The following LACTB2 variants were observed in gnomAD, a reference collection of about 807,000 sequenced individuals.
LACTB2 encodes the protein lactamase beta 2.
Under a neutral mutation model 34.8 loss-of-function variants are expected in LACTB2, and 32 were observed. The ratio of observed to expected loss-of-function variants is 0.92; its 90% CI spans 0.69 to 1.24. The LOEUF (loss-of-function observed/expected upper bound fraction) is 1.24. Ranked by LOEUF, LACTB2 falls within the 50% of genes most tolerant of loss-of-function variation. LACTB2 has a pLI of 0.00. For missense variants in LACTB2, 320 were observed against 345.0 expected (o/e 0.93, Z 0.57); for synonymous variants, 120 against 117.5 (o/e 1.02, Z -0.14).
At chr8:70,656,903 G>A (rs6994814) in intron 3 of LACTB2, among the ~76,000 whole-genome samples, 48,473 of 152,006 alleles carry the variant, frequency 0.32, 9,106 homozygotes, top group Non-Finnish European at 0.43. Flanking sequence ...AGGGGAGGGG[G>A]ATGGTAAAGG....
intron 2 of LACTB2, chr8:70,661,423 G>A (rs552442511): frequency 7.1e-6 from 2 of 282,466 alleles, no homozygotes; most frequent in South Asian, 8.1e-5. Flanking sequence ...CTACCTCACA[G>A]TATCCACATA....
chr8:70,657,428 A>ATTTT (rs777806428), intron 3 of LACTB2, among the ~76,000 whole-genome samples: 1 of 115,814 alleles, frequency 8.6e-6, no homozygotes, highest in Admixed American at 8.9e-5. Flanking sequence ...CAGATCTTCT[A>ATTTT]TTTTTTTTTT....
intron 2 of LACTB2, among the ~76,000 whole-genome samples, chr8:70,658,906 C>T (rs1458275925): frequency 3.3e-5 from 5 of 152,046 alleles, no homozygotes; most frequent in Non-Finnish European, 5.9e-5. Context: ...GTGCACCTAA[C>T]GTCCCAGATA....
In LACTB2 at chr8:70,640,987, A is replaced by C; in HGVS notation, c.656T>G (p.Ile219Ser). 1 of 1,609,804 alleles carries C rather than the reference A, an allele frequency of 6.2e-7. No homozygotes were observed. The highest frequency in any genetic ancestry group is 1.7e-5 in the Admixed American group (1 of 59,012). Residue 219 changes from isoleucine (I) to serine (S), a missense_variant, in exon 5 of 7, where the codon ATT (isoleucine) becomes AGT (serine). Ile to Ser is a moderately radical substitution (Grantham distance 142, BLOSUM62 -2). Coordinates refer to ENST00000276590, the MANE Select transcript of LACTB2 (RefSeq NM_016027.3). ...TAATGTAAGAATTTGCTGCTCTCGA[A>C]TATTTCTGTGAGAAATGTATTGTTG... The part of the protein sequence containing the change: ...KIQQYISHRN[I>S]REQQILTLFR...
chr8:70,638,689 A>G (rs1472620841), intron 5 of LACTB2, 60 bp from the exon 6 acceptor site: 155 of 1,280,070 alleles, frequency 1.2e-4, no homozygotes, highest in Non-Finnish European at 1.6e-4. Flanking sequence ...AACACAGTTA[A>G]TTTTTTGAAA....
At position 70,657,783 on chromosome 8, in the gene LACTB2, A is replaced by G. The variant is rs1453236841; in HGVS notation, c.386T>C (p.Val129Ala). Residue 129 changes from valine (V) to alanine (A), a missense_variant, in exon 3 of 7, where the codon GTG becomes GCG. Coordinates refer to ENST00000276590, the MANE Select transcript of LACTB2 (RefSeq NM_016027.3). ...QQYVYLKDGD[V>A]IKTEGATLRV... is the part of the protein sequence containing the mutation. ...TAGAGTGGCTCCCTCAGTCTTAATC[A>G]CATCTCCATCTTTCAGATAAACATA... The G allele has an allele frequency of 6.2e-7, 1 of 1,612,932 alleles. No homozygotes were observed. Among genetic ancestry groups the G allele is most frequent in the African/African-American group, 1.3e-5 (1 of 74,958 alleles).
In LACTB2 at chr8:70,644,093, C is replaced by T; in HGVS notation, c.564G>A (p.Leu188=). 1 of 1,584,424 alleles carries T rather than the reference C, an allele frequency of 6.3e-7. No homozygotes were observed. The highest frequency in any genetic ancestry group is 8.6e-7 in the Non-Finnish European group (1 of 1,168,466). The change falls in exon 4 of 7, where the codon TTG becomes TTA. Residue 188 remains leucine, a synonymous_variant. Transcript: ENST00000276590. ...YDYMNSLKEL[L]KIKADIIYPG... ...GATATATAATATCAGCTTTGATTTT[C>T]AATAACTCTTTTAAAGAGTTCATAT...
intron 1 of LACTB2, among the ~76,000 whole-genome samples, chr8:70,667,388 C>A (rs1329535903): frequency 6.6e-6 from 1 of 152,224 alleles, no homozygotes; most frequent in African/African-American, 2.4e-5. Flanking sequence ...TTCTAGCCAC[C>A]TTTTACTTTA....
chr8:70,659,005 C>G (rs531264733), intron 2 of LACTB2, among the ~76,000 whole-genome samples: 2 of 151,526 alleles, frequency 1.3e-5, no homozygotes, highest in African/African-American at 4.8e-5. Context: ...CCAGGCCGAG[C>G]GACAGTGCGA....
intron 3 of LACTB2, among the ~76,000 whole-genome samples, chr8:70,656,878 T>A (rs1818418054): frequency 6.6e-6 from 1 of 152,030 alleles, no homozygotes. Context: ...ACTAACCTGA[T>A]TAGTGTGGTG....
intron 3 of LACTB2, 37 bp from the exon 4 acceptor site, chr8:70,644,280 T>C (rs756377376): frequency 7.1e-7 from 1 of 1,402,910 alleles, no homozygotes; most frequent in Non-Finnish European, 9.5e-7. Flanking sequence ...ATAACAATTA[T>C]GAACTCGAGC....
chr8:70,664,588 A>G (rs1299090170), intron 1 of LACTB2, among the ~76,000 whole-genome samples: 3 of 152,148 alleles, frequency 2.0e-5, no homozygotes, highest in Non-Finnish European at 4.4e-5. Flanking sequence ...AAAGAAAGAA[A>G]ACAGAAAAAA....
rs185788805 is a variant in LACTB2, at chr8:70,665,999, T to C, written c.122+3000A>G. Among the ~76,000 whole-genome samples the C allele has an allele frequency of 2.0e-4, 31 of 152,302 alleles. No individual in the cohort carries two copies. The East Asian group carries it at 5.4e-3, about 27-fold the overall frequency. ...ATCACAGTTAGGTCTAGCAGTGTTT[T>C]AGTGAAATTCATTTGGCTTCCATGG... On this transcript the variant is annotated intron_variant, in intron 1 of 6. Coordinates refer to ENST00000276590, the MANE Select transcript of LACTB2 (RefSeq NM_016027.3).
intron 3 of LACTB2, among the ~76,000 whole-genome samples, chr8:70,651,610 G>A (rs1290738873): frequency 6.6e-6 from 1 of 151,808 alleles, no homozygotes; most frequent in Non-Finnish European, 1.5e-5. Context: ...TTCATTATCA[G>A]CCCTCCCTGA....
At chr8:70,662,239 A>G (rs548659910) in intron 1 of LACTB2, 2 of 167,658 alleles carry the variant, frequency 1.2e-5, no homozygotes, top group South Asian at 3.4e-4. Context: ...TTTTATCATT[A>G]TATTTAGAAG....
chr8:70,652,396 C>G (rs1027399890), intron 3 of LACTB2: 2 of 152,128 alleles, frequency 1.3e-5, no homozygotes, highest in African/African-American at 4.8e-5. Flanking sequence ...CCACATTCAT[C>G]AGGAAATTAA....
chr8:70,661,767 C>G lies in LACTB2; in HGVS notation c.253G>C (p.Gly85Arg). ...VTHWHRDHSG[G>R]IGDICKSINN... ...ATGCTTTTACAAATATCTCCTATGC[C>G]TCCAGAATGATCTCGGTGCCAGTGA... The change falls in exon 2 of 7, where the codon GGC becomes CGC. Residue 85 changes from glycine (G) to arginine (R), a missense_variant. Coordinates refer to ENST00000276590, the MANE Select transcript of LACTB2 (RefSeq NM_016027.3). 1 of 1,613,116 alleles carries G rather than the reference C, an allele frequency of 6.2e-7. No individual in the cohort carries two copies. Among genetic ancestry groups the G allele is most frequent in the Admixed American group, 1.7e-5 (1 of 59,774 alleles).
At chr8:70,650,631 AAGG>A (rs1818326893) in intron 3 of LACTB2, among the ~76,000 whole-genome samples, 1 of 150,270 alleles carries the variant, frequency 6.7e-6, no homozygotes, top group Non-Finnish European at 1.5e-5. Context: ...TCAGGAGTCT[AAGG>A]CAAGAGAATT....
Position 70,653,123 on chromosome 8 carries a change from T to C in LACTB2, c.413+4633A>G, listed in dbSNP as rs56288239. On this transcript the variant is annotated intron_variant, in intron 3 of 6. Transcript: ENST00000276590. ...ATTATATTTTCTTGCTCTTTCTTAC[T>C]ATTTTCTTGCAGAGTCTTGCTCTGT... is the stretch of plus-strand genomic sequence containing the variant. 5.4e-3 allele frequency among the ~76,000 whole-genome samples: 823 copies of C among 152,360 alleles called. 11 individuals are homozygous for C. Among genetic ancestry groups the C allele is most frequent in the African/African-American group, 0.019 (790 of 41,588 alleles).
Sources: allele counts gnomAD v4.1 joint callset (sites outside exome capture counted in the v4.1 genomes callset), GRCh38; gene constraint gnomAD v4.1.1; transcripts MANE v1.5; gene names NCBI Gene and HGNC (gene_info 2026-07-23, HGNC 2026-07-21).